The following PPP1R12A variants were observed in gnomAD, a reference collection of about 807,000 sequenced individuals.
The protein encoded by PPP1R12A is protein phosphatase 1 regulatory subunit 12A.
In PPP1R12A, 19 loss-of-function variants were observed where a neutral mutation model predicts 139.6. That is an observed-to-expected ratio of 0.14 (90% confidence interval 0.09 to 0.20). The LOEUF is 0.20. PPP1R12A is among the 10% of genes least tolerant of loss of function. The pLI is 1.00. For synonymous variants in PPP1R12A, 427 were observed against 420.6 expected, an observed-to-expected ratio of 1.02 and a Z score of -0.19; for missense variants, 925 against 1,211.5, an observed-to-expected ratio of 0.76 and a Z score of 3.51.
intron 17 of PPP1R12A, 111 bp downstream of exon 17, chr12:79,796,671 G>GA: frequency 3.5e-6 from 3 of 854,274 alleles, no homozygotes; most frequent in Non-Finnish European, 3.4e-6. Flanking sequence ...TAGGTTCGAT[G>GA]AATCACAAGT....
chr12:79,870,252 A>G (rs1403043796), intron 2 of PPP1R12A, among the ~76,000 whole-genome samples: 1 of 152,022 alleles, frequency 6.6e-6, no homozygotes, highest in African/African-American at 2.4e-5. Flanking sequence ...CCTCCAGAGT[A>G]GCTGGGACAC....
At chr12:79,778,015 T>TA (rs1464907494) in intron 24 of PPP1R12A, among the ~76,000 whole-genome samples, 1 of 152,098 alleles carries the variant, frequency 6.6e-6, no homozygotes, top group Admixed American at 6.6e-5. Context: ...GACAGTGTGG[T>TA]AAGAGGTAAT....
At chr12:79,882,191 C>T (rs1318789948) in intron 1 of PPP1R12A, among the ~76,000 whole-genome samples, 1 of 152,166 alleles carries the variant, frequency 6.6e-6, no homozygotes, top group Non-Finnish European at 1.5e-5. Context: ...TTTTGTAATG[C>T]TATAGTTAGT....
chr12:79,879,106 G>A (rs1259278095), intron 1 of PPP1R12A, among the ~76,000 whole-genome samples: 2 of 152,204 alleles, frequency 1.3e-5, no homozygotes, highest in Non-Finnish European at 2.9e-5. Context: ...AAGGCTGGGT[G>A]TGGCAGCTCA....
Position 79,923,306 on chromosome 12 carries a change from C to T in PPP1R12A, c.237+11389G>A, listed in dbSNP as rs532888238. On this transcript the variant is annotated intron_variant, in intron 1 of 24. Transcript: ENST00000450142. The stretch of plus-strand genomic sequence containing the variant: ...TAAATAAATAAATAAATAAGATGTA[C>T]ATAATATTCACCATATGATAAAAAG... Among the ~76,000 whole-genome samples, 4 of 152,100 alleles carry T rather than the reference C, an allele frequency of 2.6e-5. 1 individual carries two copies. Among genetic ancestry groups the T allele is most frequent in the African/African-American group, 4.8e-5 (2 of 41,504 alleles).
intron 1 of PPP1R12A, among the ~76,000 whole-genome samples, chr12:79,925,962 C>T (rs1488618214): frequency 6.6e-6 from 1 of 151,942 alleles, no homozygotes; most frequent in African/African-American, 2.4e-5. Context: ...ACACCGTCTC[C>T]CTATATTGCC....
intron 8 of PPP1R12A, among the ~76,000 whole-genome samples, 196 bp from the exon 9 acceptor site, chr12:79,817,714 T>C (rs1327964964): frequency 6.6e-6 from 1 of 152,150 alleles, no homozygotes; most frequent in Non-Finnish European, 1.5e-5. Flanking sequence ...AAATAAATAG[T>C]TAAGATAATA....
intron 21 of PPP1R12A, 125 bp from the exon 22 acceptor site, chr12:79,786,603 T>TA (rs1229797074): frequency 1.8e-6 from 1 of 563,700 alleles, no homozygotes; most frequent in Non-Finnish European, 2.9e-6. Flanking sequence ...AGGATACATT[T>TA]AAAAAATCCT....
chr12:79,796,454 A>G (rs1380418196), intron 17 of PPP1R12A, among the ~76,000 whole-genome samples: 1 of 152,180 alleles, frequency 6.6e-6, no homozygotes, highest in Non-Finnish European at 1.5e-5. Context: ...AGTAGGCAAG[A>G]AATAGCTTAA....
intron 2 of PPP1R12A, among the ~76,000 whole-genome samples, chr12:79,857,815 T>C (rs1880859592): frequency 6.6e-6 from 1 of 152,184 alleles, no homozygotes; most frequent in Admixed American, 6.5e-5. Context: ...AATGCTACTA[T>C]CAGTTATGAT....
intron 18 of PPP1R12A, among the ~76,000 whole-genome samples, chr12:79,794,996 A>G (rs1406082621): frequency 6.6e-6 from 1 of 152,106 alleles, no homozygotes; most frequent in Non-Finnish European, 1.5e-5. Context: ...GGGGCAATCT[A>G]CACTGCTGTT....
intron 1 of PPP1R12A, among the ~76,000 whole-genome samples, chr12:79,919,136 T>C (rs1887234127): frequency 6.6e-6 from 1 of 152,026 alleles, no homozygotes; most frequent in African/African-American, 2.4e-5. Flanking sequence ...AGCACTTCTG[T>C]GCACTTCCAG....
intron 8 of PPP1R12A, 137 bp from the exon 9 acceptor site, chr12:79,817,655 C>G: frequency 1.3e-6 from 1 of 758,920 alleles, no homozygotes; most frequent in Non-Finnish European, 2.0e-6. Flanking sequence ...TTCCTTTTCG[C>G]AAGTCAGTTT....
chr12:79,778,886 A>C (rs1870068025), intron 23 of PPP1R12A: 1 of 247,326 alleles, frequency 4.0e-6, no homozygotes, highest in African/African-American at 2.2e-5. Flanking sequence ...ACTTAGAGTG[A>C]ATCAATACTC....
At chr12:79,911,755 A>G (rs1886587439) in intron 1 of PPP1R12A, among the ~76,000 whole-genome samples, 1 of 151,994 alleles carries the variant, frequency 6.6e-6, no homozygotes, top group South Asian at 2.1e-4. Context: ...CCATCTGAGA[A>G]AGAGCTCTTG....
At chr12:79,871,925 TGTC>T (rs903663730) in intron 2 of PPP1R12A, among the ~76,000 whole-genome samples, 12 of 152,258 alleles carry the variant, frequency 7.9e-5, no homozygotes, top group African/African-American at 2.9e-4. Context: ...TATGGAAAGA[TGTC>T]GTATAGTTAG....
At chr12:79,780,502 G>A (rs79369697) in intron 23 of PPP1R12A, 1 of 152,052 alleles carries the variant, frequency 6.6e-6, no homozygotes, top group East Asian at 1.9e-4. Context: ...CTGCATGACA[G>A]ATTACAGATA....
intron 1 of PPP1R12A, among the ~76,000 whole-genome samples, chr12:79,881,371 C>T (rs911864693): frequency 4.6e-5 from 7 of 152,118 alleles, no homozygotes; most frequent in Non-Finnish European, 1.0e-4. Flanking sequence ...GGTAAGAAAG[C>T]AAAGCAGCCT....
chr12:79,788,685 C>T lies in PPP1R12A; in HGVS notation c.2765G>A (p.Ser922Asn). The T allele has an allele frequency of 1.2e-6, 2 of 1,612,842 alleles. No individual in the cohort carries two copies. Among genetic ancestry groups the T allele is most frequent in the East Asian group, 2.2e-5 (1 of 44,834 alleles). Residue 922 changes from serine (S) to asparagine (N), a missense_variant, in exon 21 of 25, where the codon AGC (serine) becomes AAC (asparagine). Physicochemically the swap from Ser to Asn is conservative, Grantham distance 46 (BLOSUM62 1). Around this residue, in one of 4 missense-constraint regions of PPP1R12A, gnomAD observed 315 missense variants for 363.4 expected, o/e 0.87. Transcript: ENST00000450142. ...AGTTGAGTCATCCTTTTCTAGCCTG[C>T]TGCTGTAAGGTTTTCTTTCTTCTAA... ...SYLEERKPYS[S>N]RLEKDDSTDF... is the part of the protein sequence containing the mutation.
Sources: allele counts gnomAD v4.1 joint callset (sites outside exome capture counted in the v4.1 genomes callset), GRCh38; gene constraint gnomAD v4.1.1; regional missense constraint gnomAD v4.1.1; transcripts MANE v1.5; gene names NCBI Gene and HGNC (gene_info 2026-07-23, HGNC 2026-07-21).